Variants in GALNT15 observed in about 807,000 individuals in gnomAD.
The protein encoded by GALNT15 is polypeptide N-acetylgalactosaminyltransferase 15.
A neutral mutation model predicts 66.8 loss-of-function variants in GALNT15; 67 were observed. The ratio of observed to expected loss-of-function variants is 1.00; its 90% CI spans 0.82 to 1.23. The LOEUF (loss-of-function observed/expected upper bound fraction) is 1.23, where lower values mean the gene tolerates loss of function less well. GALNT15 is among the 50% of genes most tolerant of loss of function. The pLI, the probability that GALNT15 is intolerant of heterozygous loss-of-function variation, is 0.00. For synonymous variants in GALNT15, 313 were observed against 311.5 expected (o/e 1.00, Z -0.05); for missense variants, 827 against 804.3 (o/e 1.03, Z -0.34).
In GALNT15 at chr3:16,227,795, A is replaced by G; in HGVS notation, c.*295A>G. 1 of 1,147,444 alleles carries G rather than the reference A, an allele frequency of 8.7e-7. No individual in the cohort carries two copies. The highest frequency in any genetic ancestry group is 1.1e-6 in the Non-Finnish European group (1 of 932,762). 71.1% of individuals were successfully genotyped at this position (1,147,444 alleles called of 1,614,324 possible). A position where few individuals can be genotyped will look rare whatever the true frequency, so the allele number is the denominator to read the frequency against. ...CTTTGTTTTTCTCCACTGAGCACTTAACAATTGCTTTCTCTCTGGCCTGGA... is the reference window on the plus strand; with the variant it reads ...CTTTGTTTTTCTCCACTGAGCACTTGACAATTGCTTTCTCTCTGGCCTGGA... On this transcript the variant is annotated 3_prime_UTR_variant, in exon 10 of 10. Coordinates refer to ENST00000339732, the MANE Select transcript of GALNT15 (RefSeq NM_054110.5). The surrounding 1 kb of genome is among the most constrained non-coding windows in gnomAD (Gnocchi z 4.5).
chr3:16,187,142 T>A lies in GALNT15; in HGVS notation c.540-8618T>A, dbSNP rs999310432. ...AGCGAGGCATGGTGGTGCATGCCTG[T>A]AATCCCAGCTACTCAGGAGGCTGAG... is the stretch of plus-strand genomic sequence containing the variant. On this transcript the variant is annotated intron_variant, in intron 1 of 9. Transcript: ENST00000339732. This position sits in a 1 kb window ranked among gnomAD's most constrained non-coding sequence, Gnocchi z 5.1. Among the ~76,000 whole-genome samples the A allele has an allele frequency of 1.3e-5, 2 of 151,972 alleles. No individual in the cohort carries two copies. Among genetic ancestry groups the A allele is most frequent in the African/African-American group, 4.8e-5 (2 of 41,378 alleles).
the GALNT15 span, among the ~76,000 whole-genome samples, chr3:16,237,273 G>A: frequency 0.012 from 1,773 of 152,318 alleles, 37 homozygotes; most frequent in African/African-American, 0.041. This position sits in a 1 kb window ranked among gnomAD's most constrained non-coding sequence, Gnocchi z 4.2. Flanking sequence ...CTTACTCCTT[G>A]TGCTCTGAAG....
Position 16,182,074 on chromosome 3 carries a change from G to T in GALNT15, c.539+6384G>T, listed in dbSNP as rs1323767028. On this transcript the variant is annotated intron_variant, in intron 1 of 9. Coordinates refer to ENST00000339732, the MANE Select transcript of GALNT15 (RefSeq NM_054110.5). This position sits in a 1 kb window ranked among gnomAD's most constrained non-coding sequence, Gnocchi z 6.1. Reference sequence around the variant, plus strand: ...CAAACCCAGCTGGCCTTGGGGGTTAGATTAGATGTGGTTAATCTGCACCTT... The same window carrying T: ...CAAACCCAGCTGGCCTTGGGGGTTATATTAGATGTGGTTAATCTGCACCTT... 6.6e-6 allele frequency among the ~76,000 whole-genome samples: 1 copy of T among 152,178 alleles called. No individual in the cohort carries two copies. Among genetic ancestry groups the T allele is most frequent in the Non-Finnish European group, 1.5e-5 (1 of 68,014 alleles).
intron 9 of GALNT15, among the ~76,000 whole-genome samples, chr3:16,223,894 A>G (rs1020367404): frequency 1.3e-5 from 2 of 151,800 alleles, no homozygotes; most frequent in African/African-American, 4.8e-5. Context: ...GGGTTTTGCC[A>G]TGTTGGCCAA....
chr3:16,206,502 G>A (rs991591811), intron 3 of GALNT15, among the ~76,000 whole-genome samples: 8 of 151,600 alleles, frequency 5.3e-5, no homozygotes, highest in East Asian at 1.9e-4. Flanking sequence ...GTGAAAACCC[G>A]TGTATACTAA....
chr3:16,190,654 A>G (rs1040926155), intron 1 of GALNT15, among the ~76,000 whole-genome samples: 16 of 151,856 alleles, frequency 1.1e-4, no homozygotes, highest in South Asian at 4.1e-4. Flanking sequence ...AAAAAAAAAA[A>G]AAAGAAACAA....
At position 16,225,478 on chromosome 3, in the gene GALNT15, C is replaced by T. The variant is rs564612147; in HGVS notation, c.1774-1876C>T. Among the ~76,000 whole-genome samples, 4 of 152,312 alleles carry T rather than the reference C, an allele frequency of 2.6e-5. No individual in the cohort carries two copies. Among genetic ancestry groups the T allele is most frequent in the South Asian group, 4.1e-4 (2 of 4,828 alleles). On this transcript the variant is annotated intron_variant, in intron 9 of 9. Transcript: ENST00000339732. The surrounding 1 kb of genome is among the most constrained non-coding windows in gnomAD (Gnocchi z 4.4). ...TCGGGAGGCCGAGGCAGGTGGATCA[C>T]GAGGTCAGGAGGCTGAGACCAGCCT... is the stretch of plus-strand genomic sequence containing the variant.
the GALNT15 span, among the ~76,000 whole-genome samples, chr3:16,238,847 G>A: frequency 6.6e-6 from 1 of 152,180 alleles, no homozygotes; most frequent in Non-Finnish European, 1.5e-5. The surrounding 1 kb of genome is among the most constrained non-coding windows in gnomAD (Gnocchi z 4.8). Flanking sequence ...GATGCATTCA[G>A]GTACAAGGAG....
chr3:16,244,090 A>G, the GALNT15 span: 6,814 of 787,348 alleles, frequency 8.7e-3, 343 homozygotes, highest in African/African-American at 0.12. Flanking sequence ...AACAATCAAG[A>G]CAGAAGAACA....
Position 16,199,559 on chromosome 3 carries a change from T to G in GALNT15, c.707-1060T>G, listed in dbSNP as rs2063676602. Among the ~76,000 whole-genome samples, 3 of 142,372 alleles carry G rather than the reference T, an allele frequency of 2.1e-5. 1 individual carries two copies. In the South Asian group the frequency reaches 6.6e-4, roughly 31 times the overall value. The allele number at this position is 142,372 out of a possible 152,430, so 93.4% of individuals were successfully genotyped here. A position where few individuals can be genotyped will look rare whatever the true frequency, so the allele number is the denominator to read the frequency against. On this transcript the variant is annotated intron_variant, in intron 2 of 9. Transcript: ENST00000339732. Reference sequence around the variant, plus strand: ...TGAAAGCAGGGCCTGAGATGGAGATTCACGTGCATTTGATTTTTTTGAGGG... The same window carrying G: ...TGAAAGCAGGGCCTGAGATGGAGATGCACGTGCATTTGATTTTTTTGAGGG...
At chr3:16,208,768 G>A in intron 4 of GALNT15, 98 bp downstream of exon 4, 1 of 1,091,006 alleles carries the variant, frequency 9.2e-7, no homozygotes, top group Non-Finnish European at 1.3e-6. Flanking sequence ...CAGTTTCCTA[G>A]TAAATTACTT....
chr3:16,207,527 A>ATTGGACT (rs2063769599), intron 3 of GALNT15, among the ~76,000 whole-genome samples: 1 of 1,748 alleles, frequency 5.7e-4, no homozygotes, highest in African/African-American at 4.9e-3. Context: ...AAAAAAAAAA[A>ATTGGACT]AAAAAAAAAA....
rs905533097 is a variant in GALNT15, at chr3:16,204,748, G to A, written c.912-3755G>A. Among the ~76,000 whole-genome samples, 1 of 151,968 alleles carries A rather than the reference G, an allele frequency of 6.6e-6. No homozygotes were observed. The highest frequency in any genetic ancestry group is 1.5e-5 in the Non-Finnish European group (1 of 68,036). ...GAAAATGGGTCTGGTCCCTATCTGC[G>A]AGACATCCGGTCCTTCAGGATCAGC... On this transcript the variant is annotated intron_variant, in intron 3 of 9. Transcript: ENST00000339732. This position sits in a 1 kb window ranked among gnomAD's most constrained non-coding sequence, Gnocchi z 4.5.
At position 16,203,562 on chromosome 3, in the gene GALNT15, C is replaced by T. The variant is rs2063726409; in HGVS notation, c.911+2739C>T. Reference sequence around the variant, plus strand: ...TCTCTCTCACACACACACACACACACACACACACACACACACACACACACA... The same window carrying T: ...TCTCTCTCACACACACACACACACATACACACACACACACACACACACACA... On this transcript the variant is annotated intron_variant, in intron 3 of 9. Coordinates refer to ENST00000339732, the MANE Select transcript of GALNT15 (RefSeq NM_054110.5). The surrounding 1 kb of genome is among the most constrained non-coding windows in gnomAD (Gnocchi z 6.2). Among the ~76,000 whole-genome samples, 2 of 148,002 alleles carry T rather than the reference C, an allele frequency of 1.4e-5. No individual in the cohort carries two copies. The highest frequency in any genetic ancestry group is 3.0e-5 in the Non-Finnish European group (2 of 66,610).
At position 16,229,713 on chromosome 3, in the gene GALNT15, A is replaced by C. The variant is rs183520826; in HGVS notation, c.*2213A>C. On this transcript the variant is annotated 3_prime_UTR_variant, in exon 10 of 10. Coordinates refer to ENST00000339732, the MANE Select transcript of GALNT15 (RefSeq NM_054110.5). Reference sequence around the variant, plus strand: ...GTCTTTGAAGTTGCTGGGATAAATTAATATAATTAAATAAAAGACTGAATT... The same window carrying C: ...GTCTTTGAAGTTGCTGGGATAAATTCATATAATTAAATAAAAGACTGAATT... The C allele has an allele frequency of 1.5e-4, 144 of 975,996 alleles. 1 individual carries two copies. In the Admixed American group the frequency reaches 3.7e-3, roughly 25 times the overall value. The allele number at this position is 975,996 out of a possible 1,614,324, so 60.5% of individuals were successfully genotyped here.
chr3:16,205,409 T>C (rs1199911199), intron 3 of GALNT15, among the ~76,000 whole-genome samples: 1 of 152,240 alleles, frequency 6.6e-6, no homozygotes, highest in Admixed American at 6.5e-5. Context: ...TTCGTTGATC[T>C]CACGTATTTC....
At position 16,181,771 on chromosome 3, in the gene GALNT15, C is replaced by T. The variant is rs2063474072; in HGVS notation, c.539+6081C>T. Reference sequence around the variant, plus strand: ...GGGGCTGGAACTTAGCTCAATTCCCCCCACAAGAGAGGGAAGACAACCCAG... The same window carrying T: ...GGGGCTGGAACTTAGCTCAATTCCCTCCACAAGAGAGGGAAGACAACCCAG... On this transcript the variant is annotated intron_variant, in intron 1 of 9. Transcript: ENST00000339732. This position sits in a 1 kb window ranked among gnomAD's most constrained non-coding sequence, Gnocchi z 5.9. Among the ~76,000 whole-genome samples, 1 of 152,134 alleles carries T rather than the reference C, an allele frequency of 6.6e-6. No individual in the cohort carries two copies. The highest frequency in any genetic ancestry group is 2.4e-5 in the African/African-American group (1 of 41,436).
At chr3:16,198,108 A>G in intron 2 of GALNT15, among the ~76,000 whole-genome samples, 1 of 142,544 alleles carries the variant, frequency 7.0e-6, no homozygotes, top group Non-Finnish European at 1.6e-5. Context: ...ACCAATGAAT[A>G]GAGATTTATT....
chr3:16,235,530 C>T (rs540223948), downstream of GALNT15, among the ~76,000 whole-genome samples: 20 of 152,200 alleles, frequency 1.3e-4, no homozygotes, highest in East Asian at 1.4e-3. Context: ...ATTGAGGAAG[C>T]GATGGATTCA....
Sources: gnomAD v4.1 joint callset for allele counts (sites outside exome capture counted in the v4.1 genomes callset) on GRCh38, gnomAD v4.1.1 for gene constraint, Gnocchi (gnomAD v3.1) non-coding constraint, MANE v1.5 for transcripts, NCBI Gene and HGNC (gene_info 2026-07-23, HGNC 2026-07-21) for gene names.